DTNA: variants seen among roughly 807,000 people sequenced by gnomAD.
DTNA encodes dystrobrevin alpha.
In DTNA, 43 loss-of-function variants were observed where a neutral mutation model predicts 100.7. The observed-to-expected ratio is 0.43, with a 90% CI of 0.33 to 0.55. DTNA has a LOEUF of 0.55. Among genes scored for constraint, DTNA ranks in the 20% least tolerant of loss-of-function variants. DTNA has a pLI of 0.04. For missense variants in DTNA, 798 were observed against 953.9 expected (o/e 0.84, Z 2.15); for synonymous variants, 349 against 347.9 (o/e 1.00, Z -0.04).
chr18:34,551,188 A>G (rs544494646), intron 1 of DTNA, among the ~76,000 whole-genome samples: 1 of 152,260 alleles, frequency 6.6e-6, no homozygotes, highest in East Asian at 1.9e-4. Context: ...TAGCTCGCCT[A>G]TCTTATTCCA....
chr18:34,609,245 C>CT (rs71166019), intron 1 of DTNA, among the ~76,000 whole-genome samples: 14,070 of 131,206 alleles, frequency 0.11, 1,282 homozygotes, highest in African/African-American at 0.24. Context: ...TGCTTTAATT[C>CT]TTTTTTTTTT....
Position 34,763,757 on chromosome 18 carries a change from G to A in DTNA, c.68-2204G>A, listed in dbSNP as rs140979772. ...GAACAGGGTGACTAGAATGTTTAAG[G>A]GTTTCAAACCATGCTTGATCATAAT... On this transcript the variant is annotated intron_variant, in intron 2 of 22. Transcript: ENST00000444659. Among the ~76,000 whole-genome samples, 228 of 152,196 alleles carry A rather than the reference G, an allele frequency of 1.5e-3. 1 individual carries two copies. The highest frequency in any genetic ancestry group is 3.3e-3 in the Admixed American group (50 of 15,296).
At chr18:34,547,625 C>G (rs1035482545) in intron 1 of DTNA, among the ~76,000 whole-genome samples, 2 of 152,106 alleles carry the variant, frequency 1.3e-5, no homozygotes, top group African/African-American at 4.8e-5. Flanking sequence ...TGGAGATATA[C>G]CTTACTGTTA....
At chr18:34,870,211 A>G (rs1212166157) in intron 17 of DTNA, among the ~76,000 whole-genome samples, 1 of 152,222 alleles carries the variant, frequency 6.6e-6, no homozygotes, top group East Asian at 1.9e-4. Flanking sequence ...GGTGGGGAAA[A>G]AAAGTCAAGC....
At chr18:34,593,637 T>C (rs1474992738) in intron 1 of DTNA, 1 of 152,220 alleles carries the variant, frequency 6.6e-6, no homozygotes, top group African/African-American at 2.4e-5. Context: ...TCAAGATTTT[T>C]CAGTGTTGTA....
chr18:34,889,439 A>G lies in DTNA; in HGVS notation c.*1705A>G. Reference sequence around the variant, plus strand: ...AACTACTGCTTTAGAATGAAGTCGTATAATAAAGTCTCTGAAAAGGCCTTA... The same window carrying G: ...AACTACTGCTTTAGAATGAAGTCGTGTAATAAAGTCTCTGAAAAGGCCTTA... On this transcript the variant is annotated 3_prime_UTR_variant, in exon 23 of 23. Coordinates refer to ENST00000444659, the MANE Select transcript of DTNA (RefSeq NM_001386795.1). 6.1e-6 allele frequency: 6 copies of G among 985,436 alleles called. No homozygotes were observed. Among genetic ancestry groups the G allele is most frequent in the East Asian group, 1.1e-4 (1 of 8,814 alleles). The allele number at this position is 985,436 out of a possible 1,614,324, so 61.0% of individuals were successfully genotyped here. A position where few individuals can be genotyped will look rare whatever the true frequency, so the allele number is the denominator to read the frequency against.
In DTNA at chr18:34,569,886, TACACAC is replaced by T. The variant is rs143877334; in HGVS notation, c.-2+76390_-2+76395del. Among the ~76,000 whole-genome samples the T allele has an allele frequency of 6.8e-5, 10 of 147,316 alleles. No individual in the cohort carries two copies. In the East Asian group the frequency reaches 1.6e-3, roughly 24 times the overall value. The stretch of plus-strand genomic sequence containing the variant: ...TGTTAATTTCATACACATACACACA[TACACAC>T]ACACACACACACACACAAAATAATA... On this transcript the variant is annotated intron_variant, in intron 1 of 19. Coordinates refer to the DTNA transcript ENST00000283365.
intron 1 of DTNA, among the ~76,000 whole-genome samples, chr18:34,538,634 G>T (rs1363017927): frequency 6.6e-6 from 1 of 152,080 alleles, no homozygotes; most frequent in African/African-American, 2.4e-5. Flanking sequence ...TTGTATAAAT[G>T]TTGGGAGGGT....
intron 1 of DTNA, among the ~76,000 whole-genome samples, chr18:34,750,402 G>A (rs763364325): frequency 7.2e-5 from 11 of 152,190 alleles, no homozygotes; most frequent in Non-Finnish European, 1.5e-4. Flanking sequence ...AAGTTTGAGA[G>A]AGCTGTGACC....
chr18:34,525,641 A>T (rs1036291677), intron 1 of DTNA, among the ~76,000 whole-genome samples: 2 of 152,150 alleles, frequency 1.3e-5, no homozygotes, highest in African/African-American at 4.8e-5. Context: ...TTATAGTGGG[A>T]GGTTCCACAA....
At chr18:34,844,216 T>C (rs1378819244) in intron 13 of DTNA, among the ~76,000 whole-genome samples, 4 of 152,244 alleles carry the variant, frequency 2.6e-5, no homozygotes, top group South Asian at 4.1e-4. Flanking sequence ...ATAAAGGAGT[T>C]TAAAGGTCTC....
At chr18:34,770,338 A>G (rs563672209) in intron 3 of DTNA, among the ~76,000 whole-genome samples, 1 of 152,372 alleles carries the variant, frequency 6.6e-6, no homozygotes, top group Non-Finnish European at 1.5e-5. Flanking sequence ...CGGCTGTTGT[A>G]AAACTATCAC....
At chr18:34,659,533 T>C (rs1461386129) in intron 1 of DTNA, among the ~76,000 whole-genome samples, 1 of 152,110 alleles carries the variant, frequency 6.6e-6, no homozygotes, top group African/African-American at 2.4e-5. Flanking sequence ...TAGCTTCTGA[T>C]ATTTCAGCTC....
intron 1 of DTNA, among the ~76,000 whole-genome samples, chr18:34,517,332 C>CCCAT (rs1324701153): frequency 5.9e-5 from 9 of 152,076 alleles, no homozygotes; most frequent in African/African-American, 2.2e-4. Context: ...ATACAGAGGT[C>CCCAT]CCATGAACTT....
chr18:34,529,777 G>C (rs575596366), intron 1 of DTNA, among the ~76,000 whole-genome samples: 1 of 152,184 alleles, frequency 6.6e-6, no homozygotes, highest in East Asian at 1.9e-4. Flanking sequence ...AAAACAACTT[G>C]ATAACTCACC....
At chr18:34,499,288 T>C (rs7235627) in intron 1 of DTNA, among the ~76,000 whole-genome samples, 5,547 of 152,316 alleles carry the variant, frequency 0.036, 221 homozygotes, top group African/African-American at 0.096. Flanking sequence ...TCTGGAGATT[T>C]ATCTAGGTTG....
In DTNA at chr18:34,618,181, C is replaced by T. The variant is rs192867315; in HGVS notation, c.-2+124667C>T. On this transcript the variant is annotated intron_variant, in intron 1 of 19. Coordinates refer to the DTNA transcript ENST00000283365. ...AAGAGTACAAGGGTCAAGAGTCGAA[C>T]TCAATCCAGTTCTGTTGTGTTAGAT... 7.9e-5 allele frequency among the ~76,000 whole-genome samples: 12 copies of T among 152,226 alleles called. No homozygotes were observed. In the East Asian group the frequency reaches 1.3e-3, roughly 17 times the overall value.
At position 34,815,102 on chromosome 18, in the gene DTNA, T is replaced by C. The variant is rs62097228; in HGVS notation, c.604-807T>C. On this transcript the variant is annotated intron_variant, in intron 6 of 22. Transcript: ENST00000444659. ...AATGAGACCCCATCTTTCAAGCAAA[T>C]AAATAAAATATTTTAAAAAATAAAT... 6.8e-3 allele frequency among the ~76,000 whole-genome samples: 1,040 copies of C among 152,090 alleles called. 4 individuals are homozygous for C. Among genetic ancestry groups the C allele is most frequent in the Non-Finnish European group, 0.011 (735 of 67,972 alleles).
chr18:34,607,605 A>G (rs2147384295), intron 1 of DTNA, among the ~76,000 whole-genome samples: 1 of 152,282 alleles, frequency 6.6e-6, no homozygotes, highest in African/African-American at 2.4e-5. Flanking sequence ...CCCTTCCCCA[A>G]TACTACAAAT....
Sources: gnomAD v4.1 joint callset for allele counts (sites outside exome capture counted in the v4.1 genomes callset) on GRCh38, gnomAD v4.1.1 for gene constraint, MANE v1.5 for transcripts, NCBI Gene and HGNC (gene_info 2026-07-23, HGNC 2026-07-21) for gene names.